MAPK8: variants seen among roughly 807,000 people sequenced by gnomAD.
The protein encoded by MAPK8 is JUN N-terminal kinase.
A neutral mutation model predicts 52.9 loss-of-function variants in MAPK8; 13 were observed. The observed-to-expected ratio is 0.25, with a 90% CI of 0.16 to 0.39. The LOEUF (loss-of-function observed/expected upper bound fraction) is 0.39, where lower values mean the gene tolerates loss of function less well. MAPK8 is among the 10% of genes least tolerant of loss of function. The pLI, the probability that MAPK8 is intolerant of heterozygous loss-of-function variation, is 1.00. For synonymous variants in MAPK8, 191 were observed against 169.8 expected (o/e 1.12, Z -0.97); for missense variants, 300 against 519.2 (o/e 0.58, Z 4.10).
chr10:48,309,583 A>G (rs112844806), intron 1 of MAPK8, among the ~76,000 whole-genome samples: 8,870 of 152,284 alleles, frequency 0.058, 618 homozygotes, highest in Admixed American at 0.21. Context: ...CATGCCTGAT[A>G]TTATCAAAGT....
At chr10:48,309,134 C>A (rs910205084) in intron 1 of MAPK8, among the ~76,000 whole-genome samples, 8 of 152,108 alleles carry the variant, frequency 5.3e-5, no homozygotes, top group African/African-American at 1.9e-4. Flanking sequence ...GTGTAAAGAA[C>A]CAGAGTTGTG....
intron 1 of MAPK8, among the ~76,000 whole-genome samples, chr10:48,400,058 A>G (rs772528751): frequency 6.6e-6 from 1 of 152,224 alleles, no homozygotes; most frequent in Non-Finnish European, 1.5e-5. Flanking sequence ...TCACTACTGT[A>G]GTAGGTAAGA....
intron 1 of MAPK8, among the ~76,000 whole-genome samples, chr10:48,343,628 CAGT>C (rs1474392447): frequency 2.6e-5 from 4 of 152,156 alleles, no homozygotes; most frequent in Admixed American, 2.6e-4. Context: ...AAAGTCCAAT[CAGT>C]AGCCTCAGAG....
intron 1 of MAPK8, among the ~76,000 whole-genome samples, chr10:48,394,234 CT>C (rs1213100571): frequency 1.1e-4 from 16 of 151,902 alleles, no homozygotes; most frequent in Non-Finnish European, 5.9e-5. Context: ...TCCATACACT[CT>C]TTCTGAAAAT....
rs937184382 is a variant in MAPK8, at chr10:48,343,947, C to T, written c.-50+37126C>T. 8.5e-5 allele frequency among the ~76,000 whole-genome samples: 13 copies of T among 152,274 alleles called. 1 individual carries two copies. The highest frequency in any genetic ancestry group is 5.9e-4 in the Admixed American group (9 of 15,290). ...GGAGAAAGCAGCTTGCTGGGTTCAT[C>T]TGGGGTTGGTATTTTGCAAGACAGG... On this transcript the variant is annotated intron_variant, in intron 1 of 11. Transcript: ENST00000374189.
At chr10:48,426,961 C>T in intron 9 of MAPK8, 119 bp from the exon 10 acceptor site, 1 of 666,900 alleles carries the variant, frequency 1.5e-6, no homozygotes, top group Non-Finnish European at 2.7e-6. Flanking sequence ...GATGATTGAT[C>T]AGTCTTGATC....
At chr10:48,413,929 A>G (rs1019747606) in intron 5 of MAPK8, among the ~76,000 whole-genome samples, 3 of 146,976 alleles carry the variant, frequency 2.0e-5, no homozygotes, top group African/African-American at 7.6e-5. Context: ...TTTACATGCC[A>G]TACAATTTAT....
chr10:48,412,995 A>G (rs1228955576), intron 5 of MAPK8, among the ~76,000 whole-genome samples: 2 of 152,166 alleles, frequency 1.3e-5, no homozygotes, highest in East Asian at 1.9e-4. Flanking sequence ...TTTTATGTCT[A>G]TATGATTTTG....
intron 1 of MAPK8, among the ~76,000 whole-genome samples, chr10:48,366,657 C>T (rs1467283512): frequency 6.6e-6 from 1 of 152,288 alleles, no homozygotes; most frequent in East Asian, 1.9e-4. Flanking sequence ...ACATGAGTTA[C>T]ATCCTAATAT....
chr10:48,331,072 C>T (rs1165481757), intron 1 of MAPK8, among the ~76,000 whole-genome samples: 2 of 152,134 alleles, frequency 1.3e-5, no homozygotes, highest in Admixed American at 6.5e-5. Context: ...TCAAGGGTCT[C>T]CAGCTTAGAG....
intron 11 of MAPK8, among the ~76,000 whole-genome samples, chr10:48,434,634 C>T (rs917688983): frequency 6.6e-6 from 1 of 152,146 alleles, no homozygotes; most frequent in East Asian, 1.9e-4. Flanking sequence ...AAATTCTTGT[C>T]TTAAACTGAA....
At chr10:48,318,867 A>C (rs1406739167) in intron 1 of MAPK8, among the ~76,000 whole-genome samples, 1 of 152,232 alleles carries the variant, frequency 6.6e-6, no homozygotes, top group African/African-American at 2.4e-5. Flanking sequence ...TGCTTGTCAC[A>C]AATTGGGAAT....
chr10:48,383,218 G>A (rs1284537060), intron 1 of MAPK8, among the ~76,000 whole-genome samples: 1 of 151,880 alleles, frequency 6.6e-6, no homozygotes, highest in Non-Finnish European at 1.5e-5. Context: ...TGCAAAGCAA[G>A]CCCTCACAAG....
intron 1 of MAPK8, among the ~76,000 whole-genome samples, chr10:48,329,471 T>C (rs1843889639): frequency 6.6e-6 from 1 of 151,936 alleles, no homozygotes; most frequent in African/African-American, 2.4e-5. Context: ...GACAACGTTA[T>C]CTTGAATAGT....
At chr10:48,339,976 A>G (rs946820213) in intron 1 of MAPK8, among the ~76,000 whole-genome samples, 2 of 152,164 alleles carry the variant, frequency 1.3e-5, no homozygotes, top group East Asian at 1.9e-4. Flanking sequence ...TACAACCCCT[A>G]TGGAAAACAT....
chr10:48,338,462 C>T (rs1177800539), intron 1 of MAPK8, among the ~76,000 whole-genome samples: 1 of 152,176 alleles, frequency 6.6e-6, no homozygotes, highest in Non-Finnish European at 1.5e-5. Context: ...GACATACCCA[C>T]AGCCAACATC....
At chr10:48,322,145 A>T (rs1383989148) in intron 1 of MAPK8, among the ~76,000 whole-genome samples, 1 of 152,236 alleles carries the variant, frequency 6.6e-6, no homozygotes, top group South Asian at 2.1e-4. Context: ...GATTTTTCTT[A>T]CTTTAGTAAA....
intron 3 of MAPK8, among the ~76,000 whole-genome samples, chr10:48,406,140 T>C (rs1226722927): frequency 2.6e-5 from 4 of 151,784 alleles, no homozygotes; most frequent in Non-Finnish European, 4.4e-5. Flanking sequence ...GGGGTAAAAA[T>C]TGGATTGTTG....
At chr10:48,401,550 C>A in intron 1 of MAPK8, 62 bp from the exon 2 acceptor site, 2 of 1,144,444 alleles carry the variant, frequency 1.7e-6, no homozygotes, top group African/African-American at 1.6e-5. Flanking sequence ...ACAGTAAGGA[C>A]TCAAATTTTA....
Sources: allele counts gnomAD v4.1 joint callset (sites outside exome capture counted in the v4.1 genomes callset), GRCh38; gene constraint gnomAD v4.1.1; transcripts MANE v1.5; gene names NCBI Gene and HGNC (gene_info 2026-07-23, HGNC 2026-07-21).